The following SHTN1 variants were observed in gnomAD, a reference collection of about 807,000 sequenced individuals.
SHTN1 encodes shootin-1.
In SHTN1, 42 loss-of-function variants were observed where a neutral mutation model predicts 83.1. That is an observed-to-expected ratio of 0.51 (90% CI 0.39 to 0.65). The LOEUF is 0.65. Ranked by LOEUF, SHTN1 falls within the 30% of genes least tolerant of loss-of-function variation. The pLI is 0.00. For synonymous variants in SHTN1, 224 were observed against 247.7 expected (o/e 0.90, Z 0.90); for missense variants, 622 against 737.8 (o/e 0.84, Z 1.82).
chr10:117,097,786 G>A (rs899243790), intron 1 of SHTN1, among the ~76,000 whole-genome samples: 1 of 152,080 alleles, frequency 6.6e-6, no homozygotes, highest in Non-Finnish European at 1.5e-5. Context: ...TAATTATTAA[G>A]CGATTCCAAC....
intron 1 of SHTN1, among the ~76,000 whole-genome samples, chr10:117,114,994 T>G (rs1359138832): frequency 6.6e-6 from 1 of 152,184 alleles, no homozygotes; most frequent in East Asian, 1.9e-4. Context: ...TGTGCCACTG[T>G]TTGCCCAAAT....
At chr10:116,979,985 G>A (rs1479848105) in intron 1 of SHTN1, among the ~76,000 whole-genome samples, 1 of 151,480 alleles carries the variant, frequency 6.6e-6, no homozygotes, top group Non-Finnish European at 1.5e-5. Context: ...ACTAAATGGG[G>A]AAGATATGTT....
intron 1 of SHTN1, among the ~76,000 whole-genome samples, chr10:117,004,531 C>T (rs1851939213): frequency 6.6e-6 from 1 of 152,102 alleles, no homozygotes. Flanking sequence ...AAAATCCCAG[C>T]TGGGCAAGGA....
intron 1 of SHTN1, among the ~76,000 whole-genome samples, chr10:117,060,062 A>T (rs1852877693): frequency 6.6e-6 from 1 of 152,004 alleles, no homozygotes; most frequent in Non-Finnish European, 1.5e-5. Flanking sequence ...AATTTTTTTT[A>T]ATTAGCCAGG....
At chr10:117,045,922 T>C (rs1031210081) in intron 2 of SHTN1, among the ~76,000 whole-genome samples, 3 of 151,942 alleles carry the variant, frequency 2.0e-5, no homozygotes, top group Admixed American at 6.6e-5. Flanking sequence ...AGCAGACAGA[T>C]AAAAACTCTA....
At chr10:116,935,692 G>A (rs893385939) in intron 9 of SHTN1, among the ~76,000 whole-genome samples, 5 of 152,282 alleles carry the variant, frequency 3.3e-5, no homozygotes, top group African/African-American at 1.2e-4. Flanking sequence ...AATGAGTTAG[G>A]GAGGAGTCCC....
At chr10:117,116,181 A>G (rs1273859883) in intron 1 of SHTN1, among the ~76,000 whole-genome samples, 1 of 146,106 alleles carries the variant, frequency 6.8e-6, no homozygotes, top group Admixed American at 6.7e-5. Flanking sequence ...GTAGATTGAG[A>G]AAAAAAAAAG....
rs566768731 is a variant in SHTN1 at position 117,082,548 on chromosome 10, AG to A, written c.-188-34039del. Among the ~76,000 whole-genome samples the A allele has an allele frequency of 3.7e-3, 568 of 152,140 alleles. 4 individuals carry two copies. The highest frequency in any genetic ancestry group is 0.013 in the African/African-American group (537 of 41,504). The stretch of plus-strand genomic sequence containing the variant: ...GTGGAGAGTTCTGTAGATGTCTATT[AG>A]GTCCGCTTGGTGCAGAGCTGAGTTC... On this transcript the variant is annotated intron_variant, in intron 1 of 17. Transcript: ENST00000392901.
chr10:117,017,261 G>A (rs941007262), intron 2 of SHTN1, among the ~76,000 whole-genome samples: 13 of 152,238 alleles, frequency 8.5e-5, no homozygotes, highest in Middle Eastern at 3.4e-3. Context: ...GGAGGCCGAG[G>A]AGGGCGGATC....
chr10:116,962,719 T>C (rs1221733070), intron 3 of SHTN1, among the ~76,000 whole-genome samples: 3 of 152,214 alleles, frequency 2.0e-5, no homozygotes, highest in Non-Finnish European at 2.9e-5. Flanking sequence ...TGGGTAGTCC[T>C]TGCTCACATT....
At chr10:116,976,642 G>A (rs1850818072) in intron 2 of SHTN1, among the ~76,000 whole-genome samples, 1 of 152,126 alleles carries the variant, frequency 6.6e-6, no homozygotes, top group Non-Finnish European at 1.5e-5. Flanking sequence ...AGAAAATGCT[G>A]TTCTCCATTT....
At chr10:117,002,421 G>C (rs188658799) in intron 1 of SHTN1, among the ~76,000 whole-genome samples, 236 of 152,132 alleles carry the variant, frequency 1.6e-3, no homozygotes, top group Non-Finnish European at 2.6e-3. Flanking sequence ...CATTATTAAG[G>C]GAAAATAACA....
intron 1 of SHTN1, among the ~76,000 whole-genome samples, chr10:117,114,107 G>C (rs1853809338): frequency 6.6e-6 from 1 of 152,082 alleles, no homozygotes; most frequent in East Asian, 1.9e-4. Flanking sequence ...TACTCAGGAG[G>C]CTAAAGTGGG....
chr10:116,917,782 C>T lies in SHTN1; in HGVS notation c.1196-2298G>A, dbSNP rs558928124. ...CAGAATCATAGTGATAATTCAGAGACGTGCCACTATCTGTATTGTGTACAG... is the reference window on the plus strand; with the variant it reads ...CAGAATCATAGTGATAATTCAGAGATGTGCCACTATCTGTATTGTGTACAG... On this transcript the variant is annotated intron_variant, in intron 12 of 16. Coordinates refer to ENST00000355371, the MANE Select transcript of SHTN1 (RefSeq NM_001127211.3). Among the ~76,000 whole-genome samples the T allele has an allele frequency of 5.9e-5, 9 of 152,286 alleles. No homozygotes were observed. In the South Asian group the frequency reaches 8.3e-4, roughly 14 times the overall value.
intron 9 of SHTN1, among the ~76,000 whole-genome samples, chr10:116,933,965 T>C (rs188369879): frequency 1.1e-3 from 166 of 152,230 alleles, no homozygotes; most frequent in African/African-American, 3.8e-3. Flanking sequence ...ATAAATGTCT[T>C]CTTTTGAGAA....
chr10:117,065,727 TGAAAGAAAGAAAGAAAGAAAGAAAGAAA>T lies in SHTN1; in HGVS notation c.-188-17245_-188-17218del, dbSNP rs869310024. ...AGCGAGAGAGAGAGAGAGAGAGAGATGAAAGAAAGAAAGAAAGAAAGAAAGAAAGAAAGAAAGAAAGAAAGAAAGAAAG... is the reference window on the plus strand; with the variant it reads ...AGCGAGAGAGAGAGAGAGAGAGAGATGAAAGAAAGAAAGAAAGAAAGAAAG... On this transcript the variant is annotated intron_variant, in intron 1 of 17. Coordinates refer to the SHTN1 transcript ENST00000392901. Among the ~76,000 whole-genome samples the T allele has an allele frequency of 7.3e-3, 88 of 11,974 alleles. 5 individuals are homozygous for T. Among genetic ancestry groups the T allele is most frequent in the African/African-American group, 0.015 (82 of 5,598 alleles). The allele number at this position is 11,974 out of a possible 152,430, so 7.9% of individuals were successfully genotyped here.
intron 1 of SHTN1, among the ~76,000 whole-genome samples, chr10:116,985,508 A>C (rs1250491446): frequency 6.6e-6 from 1 of 152,178 alleles, no homozygotes; most frequent in Non-Finnish European, 1.5e-5. Flanking sequence ...CCTGTCTGAC[A>C]TATAGATTAT....
chr10:117,072,760 A>G (rs1222404827), intron 1 of SHTN1, among the ~76,000 whole-genome samples: 3 of 152,204 alleles, frequency 2.0e-5, no homozygotes, highest in Non-Finnish European at 2.9e-5. Context: ...CCCAAATGAG[A>G]AGAAACCAGA....
At chr10:117,012,341 C>T (rs747619630) in intron 2 of SHTN1, among the ~76,000 whole-genome samples, 5 of 152,166 alleles carry the variant, frequency 3.3e-5, no homozygotes, top group African/African-American at 7.2e-5. Context: ...AGTTGGAGGA[C>T]TCACGCTACC....
Sources: gnomAD v4.1 joint callset for allele counts (sites outside exome capture counted in the v4.1 genomes callset) on GRCh38, gnomAD v4.1.1 for gene constraint, MANE v1.5 for transcripts, NCBI Gene and HGNC (gene_info 2026-07-23, HGNC 2026-07-21) for gene names.